Variants in SLC35E2B observed in about 807,000 individuals in gnomAD.
SLC35E2B encodes solute carrier family 35, member E2B.
In SLC35E2B, 18 loss-of-function variants were observed where a neutral mutation model predicts 32.4. The ratio of observed to expected loss-of-function variants is 0.56; its 90% confidence interval spans 0.38 to 0.82. The LOEUF (loss-of-function observed/expected upper bound fraction) is 0.82, where lower values mean the gene tolerates loss of function less well. Ranked by LOEUF, SLC35E2B falls within the 40% of genes least tolerant of loss-of-function variation. The pLI, the probability that SLC35E2B is intolerant of heterozygous loss-of-function variation, is 0.00. For missense variants in SLC35E2B, 263 were observed against 469.5 expected (o/e 0.56, Z 4.06); for synonymous variants, 132 against 209.1 (o/e 0.63, Z 3.18).
In SLC35E2B at chr1:1,666,025, G is replaced by T. The variant is rs760298778; in HGVS notation, c.981-6C>A. 4 of 1,548,204 alleles carry T rather than the reference G, an allele frequency of 2.6e-6. No individual in the cohort carries two copies. Among genetic ancestry groups the T allele is most frequent in the Non-Finnish European group, 3.5e-6 (4 of 1,144,660 alleles). On this transcript the variant is annotated splice_polypyrimidine_tract_variant and splice_region_variant and intron_variant, in intron 9 of 9. Transcript: ENST00000617444. ...GTTTCACGGTGCTGGCGACGCTGCGGAGGCAAGGGGAGGCAGCAGGGGCGC... is the reference window on the plus strand; with the variant it reads ...GTTTCACGGTGCTGGCGACGCTGCGTAGGCAAGGGGAGGCAGCAGGGGCGC...
chr1:1,689,178 A>G (rs1035598609), intron 2 of SLC35E2B, among the ~76,000 whole-genome samples: 6 of 152,070 alleles, frequency 3.9e-5, no homozygotes, highest in Non-Finnish European at 5.9e-5. Flanking sequence ...TCAAAAAAAA[A>G]CAAACAAACA....
At chr1:1,678,154 T>TC (rs1490066353) in intron 2 of SLC35E2B, among the ~76,000 whole-genome samples, 2 of 152,096 alleles carry the variant, frequency 1.3e-5, no homozygotes, top group African/African-American at 2.4e-5. Context: ...GTCTCACTTC[T>TC]CCCCCGGGAA....
chr1:1,688,937 C>T (rs941530734), intron 2 of SLC35E2B, among the ~76,000 whole-genome samples: 17 of 151,014 alleles, frequency 1.1e-4, no homozygotes, highest in African/African-American at 3.7e-4. Context: ...TTTGGGAGGC[C>T]GAGGTGGGCG....
At chr1:1,670,067 C>T (rs1480004610) in intron 7 of SLC35E2B, 31 bp downstream of exon 7, 21 of 1,533,128 alleles carry the variant, frequency 1.4e-5, no homozygotes, top group Non-Finnish European at 1.9e-5. Flanking sequence ...CGTCTTATGA[C>T]TTGGAGATTT....
At chr1:1,680,139 A>T (rs188304664) in intron 2 of SLC35E2B, among the ~76,000 whole-genome samples, 2,539 of 150,918 alleles carry the variant, frequency 0.017, 57 homozygotes, top group African/African-American at 0.047. Context: ...AAAAAAAAAA[A>T]TTTTTTTTTA....
rs1169021217 is a variant in SLC35E2B, at chr1:1,668,453, C to A, written c.854G>T (p.Arg285Met). ...GTTGTAGCTGAAGCTCTTCCCACTC[C>A]TCCCGATCACTGGGACGTCCTATGT... ...VFFTDVPVIGRSGKSFSYNQD... is the reference protein window; with the variant it reads ...VFFTDVPVIGMSGKSFSYNQD... Residue 285 changes from arginine (R) to methionine (M), a missense_variant, in exon 9 of 10, where the codon AGG becomes ATG. Arg to Met is a moderately conservative substitution (Grantham distance 91). Around this residue, in one of 7 missense-constraint regions of SLC35E2B, gnomAD observed 8 missense variants for 45.9 expected, o/e 0.17. Coordinates refer to ENST00000617444, the MANE Select transcript of SLC35E2B (RefSeq NM_001290264.2). 3 of 1,613,720 alleles carry A rather than the reference C, an allele frequency of 1.9e-6. No homozygotes were observed. The East Asian group carries it at 6.7e-5, about 36-fold the overall frequency.
At chr1:1,681,018 A>T (rs1407288645) in intron 2 of SLC35E2B, among the ~76,000 whole-genome samples, 1 of 150,256 alleles carries the variant, frequency 6.7e-6, no homozygotes, top group Non-Finnish European at 1.5e-5. Context: ...GAAGTCAGAG[A>T]ATCCTGAAGT....
At chr1:1,671,845 T>G (rs1643701954) in intron 5 of SLC35E2B, 2 of 443,622 alleles carry the variant, frequency 4.5e-6, no homozygotes, top group Non-Finnish European at 8.0e-6. Flanking sequence ...CGCCTTTCAC[T>G]CTACATGAGA....
intron 6 of SLC35E2B, chr1:1,671,240 T>C: frequency 3.5e-6 from 1 of 287,920 alleles, no homozygotes; most frequent in Non-Finnish European, 6.5e-6. Context: ...CTGCTGAGCG[T>C]ATCTGCGTAT....
intron 2 of SLC35E2B, among the ~76,000 whole-genome samples, chr1:1,687,172 G>A (rs945662521): frequency 6.6e-6 from 1 of 152,182 alleles, no homozygotes; most frequent in African/African-American, 2.4e-5. Flanking sequence ...CGGATGGGCG[G>A]ACGGGCGACA....
chr1:1,687,148 C>A (rs548279348), intron 2 of SLC35E2B, among the ~76,000 whole-genome samples: 2 of 152,176 alleles, frequency 1.3e-5, no homozygotes, highest in Admixed American at 6.5e-5. Flanking sequence ...CGGGCCCGAG[C>A]GCACAGGCTT....
chr1:1,674,724 T>C (rs1251459725), intron 5 of SLC35E2B, among the ~76,000 whole-genome samples: 4 of 151,644 alleles, frequency 2.6e-5, no homozygotes, highest in African/African-American at 4.8e-5. Context: ...CTCAAGTGCA[T>C]GTGGGGCAAG....
chr1:1,665,788 A>G lies in SLC35E2B; in HGVS notation c.1212T>C (p.His404=). 4 of 1,550,214 alleles carry G rather than the reference A, an allele frequency of 2.6e-6. No individual in the cohort carries two copies. Among genetic ancestry groups the G allele is most frequent in the Non-Finnish European group, 3.5e-6 (4 of 1,146,568 alleles). The change falls in exon 10 of 10, where the codon CAT becomes CAC. Residue 404 remains histidine, a synonymous_variant. Coordinates refer to ENST00000617444, the MANE Select transcript of SLC35E2B (RefSeq NM_001290264.2). ...EPLLPQDPRQ[H]P ...AGCTGGCAGCTTCCTGCTCTCAGGG[A>G]TGCTGCCTGGGGTCCTGTGGAAGCA...
chr1:1,668,658 GTTTGTT>G (rs1181121604), intron 8 of SLC35E2B, among the ~76,000 whole-genome samples, 186 bp from the exon 9 acceptor site: 2 of 152,084 alleles, frequency 1.3e-5, no homozygotes, highest in Non-Finnish European at 2.9e-5. Context: ...TTTTTTGTTT[GTTTGTT>G]TTTATTATTT....
At chr1:1,666,291 T>G (rs1643544415) in intron 9 of SLC35E2B, among the ~76,000 whole-genome samples, 1 of 152,144 alleles carries the variant, frequency 6.6e-6, no homozygotes, top group South Asian at 2.1e-4. Context: ...CGTCCCTTCT[T>G]TTTTGAGGGG....
chr1:1,672,622 G>A (rs905364494), intron 5 of SLC35E2B: 7 of 152,240 alleles, frequency 4.6e-5, no homozygotes, highest in Non-Finnish European at 1.0e-4. Context: ...ATGCAGCTGG[G>A]GTGCCATAGA....
intron 6 of SLC35E2B, chr1:1,670,790 A>AT (rs1302302243): frequency 1.3e-5 from 2 of 152,248 alleles, no homozygotes; most frequent in African/African-American, 4.8e-5. Flanking sequence ...AGTAATAATG[A>AT]TAAACTCTCA....
At position 1,664,747 on chromosome 1, in the gene SLC35E2B, C is replaced by G. The variant is rs1643497218; in HGVS notation, c.*1035G>C. On this transcript the variant is annotated 3_prime_UTR_variant, in exon 10 of 10. Transcript: ENST00000617444. ...CCAGAAACATTCAGTGTGGACGTTT[C>G]CTTTTTCAGTAAGGACGGCGCCCAG... The G allele has an allele frequency of 1.1e-6, 1 of 893,894 alleles. No individual in the cohort carries two copies. The highest frequency in any genetic ancestry group is 2.1e-5 in the African/African-American group (1 of 48,426). 55.4% of individuals were successfully genotyped at this position (893,894 alleles called of 1,614,324 possible). A position where few individuals can be genotyped will look rare whatever the true frequency, so the allele number is the denominator to read the frequency against.
At chr1:1,674,639 A>AC (rs1643794104) in intron 5 of SLC35E2B, among the ~76,000 whole-genome samples, 3 of 150,574 alleles carry the variant, frequency 2.0e-5, no homozygotes. Flanking sequence ...AAAACAAAAA[A>AC]AAAAAAACAA....
Sources: gnomAD v4.1 joint callset for allele counts (sites outside exome capture counted in the v4.1 genomes callset) on GRCh38, gnomAD v4.1.1 for gene constraint, gnomAD v4.1.1 regional missense constraint, MANE v1.5 for transcripts, NCBI Gene and HGNC (gene_info 2026-07-23, HGNC 2026-07-21) for gene names.